Variants in XKR6 observed in about 807,000 individuals in gnomAD.
XKR6 encodes XK-related protein 6.
Under a neutral mutation model 56.7 loss-of-function variants are expected in XKR6, and 22 were observed. The ratio of observed to expected loss-of-function variants is 0.39; its 90% confidence interval spans 0.28 to 0.55. The LOEUF (loss-of-function observed/expected upper bound fraction) is 0.55, where lower values mean the gene tolerates loss of function less well. XKR6 is among the 20% of genes least tolerant of loss of function. XKR6 has a pLI of 0.66. For missense variants in XKR6, 852 were observed against 889.0 expected (o/e 0.96, Z 0.53); for synonymous variants, 524 against 387.8 (o/e 1.35, Z -4.13).
chr8:11,146,618 C>A (rs565276827), intron 1 of XKR6, among the ~76,000 whole-genome samples: 36 of 146,454 alleles, frequency 2.5e-4, no homozygotes, highest in African/African-American at 9.1e-4. Context: ...AGAGTGAGAC[C>A]CTGTCAAAAA....
At chr8:10,932,216 G>A (rs574797489) in intron 1 of XKR6, among the ~76,000 whole-genome samples, 97 of 152,274 alleles carry the variant, frequency 6.4e-4, no homozygotes, top group African/African-American at 2.0e-3. Context: ...ATCAAGTGCT[G>A]TCACGAATAC....
chr8:10,947,397 G>C (rs867045894), intron 1 of XKR6, among the ~76,000 whole-genome samples: 1 of 152,148 alleles, frequency 6.6e-6, no homozygotes, highest in African/African-American at 2.4e-5. Flanking sequence ...GGCTGGAGAT[G>C]CAGACAGTGG....
intron 1 of XKR6, among the ~76,000 whole-genome samples, chr8:11,119,126 A>C (rs1245601213): frequency 6.6e-6 from 1 of 151,934 alleles, no homozygotes; most frequent in Admixed American, 6.6e-5. Context: ...GTTTTGAGTG[A>C]GTTTCTTAAT....
chr8:10,938,018 T>G (rs1268259659), intron 1 of XKR6, among the ~76,000 whole-genome samples: 2 of 152,128 alleles, frequency 1.3e-5, no homozygotes, highest in East Asian at 3.9e-4. Context: ...CGCCTTGCAG[T>G]TTGATCTCAG....
At chr8:11,191,939 C>T (rs1803601854) in intron 1 of XKR6, among the ~76,000 whole-genome samples, 1 of 152,080 alleles carries the variant, frequency 6.6e-6, no homozygotes, top group Non-Finnish European at 1.5e-5. Flanking sequence ...TAGAATGATT[C>T]TAAACATTTC....
intron 1 of XKR6, among the ~76,000 whole-genome samples, chr8:11,035,015 T>C (rs1021106174): frequency 6.6e-6 from 1 of 152,258 alleles, no homozygotes; most frequent in Non-Finnish European, 1.5e-5. Flanking sequence ...CTGCATTTCA[T>C]ATGCGTACAC....
chr8:11,100,767 G>C lies in XKR6; in HGVS notation c.764+99809C>G, dbSNP rs560703139. Among the ~76,000 whole-genome samples, 37 of 152,354 alleles carry C rather than the reference G, an allele frequency of 2.4e-4. 2 individuals carry two copies. Among genetic ancestry groups the C allele is most frequent in the African/African-American group, 8.9e-4 (37 of 41,590 alleles). On this transcript the variant is annotated intron_variant, in intron 1 of 2. Transcript: ENST00000416569. ...ACTAGGAATCAAAGCAGTTTCTGGG[G>C]AGGAAGGTAGGAAGTTCTGTTTTTA...
intron 1 of XKR6, among the ~76,000 whole-genome samples, chr8:10,970,324 C>T (rs1332080993): frequency 1.3e-5 from 2 of 152,222 alleles, no homozygotes; most frequent in African/African-American, 4.8e-5. Context: ...TCTGCATCAT[C>T]ACCTGTCCAA....
At chr8:10,999,075 A>T (rs1480216810) in intron 1 of XKR6, among the ~76,000 whole-genome samples, 2 of 152,138 alleles carry the variant, frequency 1.3e-5, no homozygotes, top group Non-Finnish European at 2.9e-5. Flanking sequence ...TCTTACAAAA[A>T]CGTTTGTTTT....
intron 1 of XKR6, among the ~76,000 whole-genome samples, chr8:11,038,313 C>T (rs534601364): frequency 7.6e-4 from 115 of 152,220 alleles, no homozygotes; most frequent in Non-Finnish European, 1.1e-3. Flanking sequence ...TAGGACACCC[C>T]GCTCATTTTA....
chr8:11,003,227 T>G (rs1196767335), intron 1 of XKR6, among the ~76,000 whole-genome samples: 1 of 152,204 alleles, frequency 6.6e-6, no homozygotes, highest in Non-Finnish European at 1.5e-5. Context: ...CACCTGGCAT[T>G]GTAGTGATCA....
intron 1 of XKR6, among the ~76,000 whole-genome samples, chr8:11,192,754 G>T (rs1020039913): frequency 6.6e-6 from 1 of 152,200 alleles, no homozygotes; most frequent in Admixed American, 6.5e-5. Flanking sequence ...CTGAGGCTCT[G>T]ATCCTGGAGT....
intron 1 of XKR6, among the ~76,000 whole-genome samples, chr8:11,059,666 C>G (rs936237600): frequency 7.7e-6 from 1 of 129,424 alleles, no homozygotes; most frequent in Non-Finnish European, 1.5e-5. Flanking sequence ...GGGCGCGGGG[C>G]GGGACAGGTG....
intron 2 of XKR6, among the ~76,000 whole-genome samples, chr8:10,912,306 GTATA>G (rs535084135): frequency 0.084 from 4,611 of 55,092 alleles, 223 homozygotes; most frequent in Middle Eastern, 0.12. Context: ...AAGAGAGGGT[GTATA>G]TATATATATA....
At chr8:11,044,603 G>C (rs1008479743) in intron 1 of XKR6, among the ~76,000 whole-genome samples, 3 of 151,490 alleles carry the variant, frequency 2.0e-5, no homozygotes, top group Admixed American at 6.6e-5. Context: ...CAACAACGCT[G>C]TCTTATAAGC....
chr8:11,141,432 CCA>C, intron 1 of XKR6, among the ~76,000 whole-genome samples: 1 of 152,102 alleles, frequency 6.6e-6, no homozygotes, highest in Non-Finnish European at 1.5e-5. Context: ...AACTAAGGCA[CCA>C]TGTGAAGCTG....
intron 1 of XKR6, among the ~76,000 whole-genome samples, chr8:11,194,238 C>T (rs1803744490): frequency 6.6e-6 from 1 of 152,146 alleles, no homozygotes; most frequent in Non-Finnish European, 1.5e-5. Context: ...CATTAAAGAT[C>T]AATCCATTTA....
intron 1 of XKR6, among the ~76,000 whole-genome samples, chr8:11,174,250 C>T (rs1030883005): frequency 4.6e-5 from 7 of 152,172 alleles, no homozygotes; most frequent in Non-Finnish European, 1.0e-4. Context: ...ATTCCAAACC[C>T]TTCCTCTCAA....
chr8:11,183,684 A>T (rs1803115117), intron 1 of XKR6, among the ~76,000 whole-genome samples: 1 of 152,148 alleles, frequency 6.6e-6, no homozygotes, highest in African/African-American at 2.4e-5. Flanking sequence ...ATAAACTACA[A>T]TGTGAGGTTA....
Sources: allele counts gnomAD v4.1 joint callset (sites outside exome capture counted in the v4.1 genomes callset), GRCh38; gene constraint gnomAD v4.1.1; transcripts MANE v1.5; gene names NCBI Gene and HGNC (gene_info 2026-07-23, HGNC 2026-07-21).